The following GPC5 variants were observed in gnomAD, a reference collection of about 807,000 sequenced individuals.
The protein encoded by GPC5 is glypican 5.
Under a neutral mutation model 53.9 loss-of-function variants are expected in GPC5, and 47 were observed. The ratio of observed to expected loss-of-function variants is 0.87; its 90% CI spans 0.69 to 1.11. GPC5 has a LOEUF of 1.11. Ranked by LOEUF, GPC5 falls within the 50% of genes most tolerant of loss-of-function variation. The pLI, the probability that GPC5 is intolerant of heterozygous loss-of-function variation, is 0.00. For missense variants in GPC5, 748 were observed against 713.1 expected (o/e 1.05, Z -0.56); for synonymous variants, 286 against 263.3 (o/e 1.09, Z -0.84).
intron 6 of GPC5, among the ~76,000 whole-genome samples, chr13:92,115,513 C>T (rs2138934457): frequency 6.6e-6 from 1 of 152,176 alleles, no homozygotes; most frequent in East Asian, 1.9e-4. Context: ...CAAAACTGTT[C>T]CACACCCTCA....
chr13:92,101,635 ATTAAT>A (rs1367614682), intron 6 of GPC5, among the ~76,000 whole-genome samples: 1 of 152,238 alleles, frequency 6.6e-6, no homozygotes, highest in Non-Finnish European at 1.5e-5. Flanking sequence ...ACAACATCAA[ATTAAT>A]TTATGCACAC....
intron 7 of GPC5, among the ~76,000 whole-genome samples, chr13:92,718,958 G>A (rs1888420037): frequency 1.3e-5 from 2 of 151,368 alleles, no homozygotes; most frequent in Admixed American, 6.6e-5. Flanking sequence ...ACAAAGGAAG[G>A]ATAAATGCTT....
chr13:92,296,113 C>T (rs1566525253), intron 7 of GPC5, among the ~76,000 whole-genome samples: 1 of 152,104 alleles, frequency 6.6e-6, no homozygotes, highest in South Asian at 2.1e-4. Context: ...TAGAACAAGA[C>T]CTACTGTCTG....
chr13:92,017,510 T>C (rs551849266), intron 6 of GPC5, among the ~76,000 whole-genome samples: 1 of 152,186 alleles, frequency 6.6e-6, no homozygotes, highest in Non-Finnish European at 1.5e-5. Context: ...GGTTGTCTTA[T>C]GTTTGTTTTA....
intron 5 of GPC5, among the ~76,000 whole-genome samples, chr13:91,791,334 C>T (rs1437306276): frequency 6.6e-6 from 1 of 152,152 alleles, no homozygotes; most frequent in Non-Finnish European, 1.5e-5. Context: ...GTAGAGAAGA[C>T]ACAGCCGCTA....
chr13:92,739,824 T>C (rs920867322), intron 7 of GPC5, among the ~76,000 whole-genome samples: 4 of 152,002 alleles, frequency 2.6e-5, no homozygotes, highest in African/African-American at 7.2e-5. Flanking sequence ...TGGTCTACTT[T>C]TCTGCTTCCC....
intron 7 of GPC5, among the ~76,000 whole-genome samples, chr13:92,303,242 A>C (rs947490735): frequency 6.6e-6 from 1 of 152,136 alleles, no homozygotes; most frequent in African/African-American, 2.4e-5. Context: ...TGCTCTCAAG[A>C]GAGGCAAAAA....
chr13:92,389,306 A>G (rs1453487950), intron 7 of GPC5, among the ~76,000 whole-genome samples: 1 of 152,150 alleles, frequency 6.6e-6, no homozygotes, highest in Non-Finnish European at 1.5e-5. Flanking sequence ...ACCCTTTGGA[A>G]CAATGAGTTC....
chr13:92,545,254 A>C (rs1366158643), intron 7 of GPC5, among the ~76,000 whole-genome samples: 1 of 152,116 alleles, frequency 6.6e-6, no homozygotes, highest in South Asian at 2.1e-4. Flanking sequence ...TGAACTCATC[A>C]TTTTTTATTG....
At chr13:92,249,220 C>G (rs1166944232) in intron 7 of GPC5, among the ~76,000 whole-genome samples, 1 of 152,104 alleles carries the variant, frequency 6.6e-6, no homozygotes, top group Non-Finnish European at 1.5e-5. Flanking sequence ...AAATTGTTGA[C>G]TATAGTTTTG....
At position 91,570,448 on chromosome 13, in the gene GPC5, C is replaced by T. The variant is rs150398625; in HGVS notation, c.325+121526C>T. On this transcript the variant is annotated intron_variant, in intron 2 of 7. Transcript: ENST00000377067. ...AAAAAAGGTTCAAATTCCCAAAGCA[C>T]TTGTGTTCCAAAGGATTTTGGTTAG... is the stretch of plus-strand genomic sequence containing the variant. Among the ~76,000 whole-genome samples, 1,327 of 152,232 alleles carry T rather than the reference C, an allele frequency of 8.7e-3. 16 individuals carry two copies. The highest frequency in any genetic ancestry group is 0.031 in the African/African-American group (1,278 of 41,546).
intron 7 of GPC5, among the ~76,000 whole-genome samples, chr13:92,427,697 G>A (rs1258834308): frequency 1.3e-5 from 2 of 152,030 alleles, no homozygotes; most frequent in African/African-American, 4.8e-5. Context: ...TGAGTCAAGT[G>A]ATCTTGTGAG....
chr13:91,792,584 G>C (rs545823364), intron 5 of GPC5, among the ~76,000 whole-genome samples: 2 of 152,248 alleles, frequency 1.3e-5, no homozygotes, highest in South Asian at 4.1e-4. Context: ...CTCATTCAAA[G>C]TATATTTCTC....
chr13:92,181,271 A>T (rs2139035774), intron 7 of GPC5, among the ~76,000 whole-genome samples: 1 of 152,346 alleles, frequency 6.6e-6, no homozygotes, highest in Admixed American at 6.5e-5. Flanking sequence ...AGACAAGAAG[A>T]TCCACAACAT....
chr13:92,837,906 A>G (rs1878272348), intron 7 of GPC5, among the ~76,000 whole-genome samples: 1 of 151,602 alleles, frequency 6.6e-6, no homozygotes, highest in South Asian at 2.1e-4. Context: ...CAGCCTGACC[A>G]ACATGAAGAA....
intron 6 of GPC5, among the ~76,000 whole-genome samples, chr13:91,974,707 T>C (rs1212260777): frequency 1.3e-5 from 2 of 152,158 alleles, no homozygotes; most frequent in South Asian, 2.1e-4. Flanking sequence ...AGGTAATTTA[T>C]AGATTCAATG....
intron 6 of GPC5, among the ~76,000 whole-genome samples, chr13:92,038,924 A>G (rs2040919982): frequency 6.6e-6 from 1 of 152,192 alleles, no homozygotes; most frequent in Non-Finnish European, 1.5e-5. Context: ...GTGGCAGAAA[A>G]ACCATGTGTG....
At chr13:92,157,972 A>G (rs1052087856) in intron 7 of GPC5, among the ~76,000 whole-genome samples, 2 of 152,244 alleles carry the variant, frequency 1.3e-5, no homozygotes, top group Non-Finnish European at 2.9e-5. Context: ...TGTAAAAAAT[A>G]CATAAAATTG....
At chr13:92,693,019 A>G (rs1009976154) in intron 7 of GPC5, among the ~76,000 whole-genome samples, 3 of 151,772 alleles carry the variant, frequency 2.0e-5, no homozygotes, top group Non-Finnish European at 4.4e-5. Flanking sequence ...ATAATATCTG[A>G]TGGTTAAAAA....
Sources: gnomAD v4.1 joint callset for allele counts (sites outside exome capture counted in the v4.1 genomes callset) on GRCh38, gnomAD v4.1.1 for gene constraint, MANE v1.5 for transcripts, NCBI Gene and HGNC (gene_info 2026-07-23, HGNC 2026-07-21) for gene names.